The following XIRP2 variants were observed in gnomAD, a reference collection of about 807,000 sequenced individuals.
XIRP2 encodes the protein xin actin binding repeat containing 2, also known as xin actin-binding repeat-containing protein 2.
Under a neutral mutation model 277.0 loss-of-function variants are expected in XIRP2, and 236 were observed. That is an observed-to-expected ratio of 0.85 (90% CI 0.77 to 0.95). XIRP2 has a LOEUF of 0.95. XIRP2 is among the 40% of genes least tolerant of loss of function. The pLI, the probability that XIRP2 is intolerant of heterozygous loss-of-function variation, is 0.00. For synonymous variants in XIRP2, 1,490 were observed against 1,416.5 expected (o/e 1.05, Z -1.17); for missense variants, 4,640 against 4,157.5 (o/e 1.12, Z -3.19).
chr2:167,143,784 G>GT (rs1475288644), intron 3 of XIRP2, among the ~76,000 whole-genome samples: 1 of 150,340 alleles, frequency 6.7e-6, no homozygotes, highest in East Asian at 2.0e-4. Context: ...TTTCACCATC[G>GT]TAAAAAAAAA....
intron 2 of XIRP2, among the ~76,000 whole-genome samples, chr2:167,101,146 A>G (rs1690475680): frequency 6.6e-6 from 1 of 152,204 alleles, no homozygotes; most frequent in East Asian, 1.9e-4. Context: ...GACACATTTC[A>G]TCATTAAAAT....
At position 167,245,039 on chromosome 2, in the gene XIRP2, C is replaced by A; in HGVS notation, c.3647C>A (p.Ser1216Ter). ...TCCTTAGATTCTATAAGTTCTAGTT[C>A]AGAGGAAGTTTTGAAAAAGATCAAA... ...NQSLDSISSS[S>*]EEVLKKIKTL... The change falls in exon 9 of 11, where the codon TCA becomes TAA. Residue 1216 changes from serine to a stop codon, truncating the protein, a stop_gained. Transcript: ENST00000409195. LOFTEE classifies it high-confidence loss of function. 6.2e-7 allele frequency: 1 copy of A among 1,612,160 alleles called. No individual in the cohort carries two copies. Among genetic ancestry groups the A allele is most frequent in the South Asian group, 1.1e-5 (1 of 90,542 alleles).
Position 167,247,974 on chromosome 2 carries a change from T to A in XIRP2, c.6582T>A (p.Tyr2194Ter). 2 of 1,610,692 alleles carry A rather than the reference T, an allele frequency of 1.2e-6. No homozygotes were observed. Among genetic ancestry groups the A allele is most frequent in the East Asian group, 4.5e-5 (2 of 44,814 alleles). Residue 2194 changes from tyrosine (Y) to a stop codon, truncating the protein, a stop_gained, in exon 9 of 11, where the codon TAT becomes TAA. Transcript: ENST00000409195. LOFTEE classifies it high-confidence loss of function. The stretch of plus-strand genomic sequence containing the variant: ...CTTTGTTAAAGCAAGAAACAAAATA[T>A]TCTAATAAGGATATAAAGAAAAAGA... Reference protein sequence around the residue: ...KQTLLKQETKYSNKDIKKKNI... With the variant: ...KQTLLKQETK
chr2:167,056,994 G>A (rs1689051982), intron 2 of XIRP2, among the ~76,000 whole-genome samples: 1 of 152,060 alleles, frequency 6.6e-6, no homozygotes, highest in Non-Finnish European at 1.5e-5. Flanking sequence ...TTTTCTTTCT[G>A]TTTCCATATG....
At position 167,247,729 on chromosome 2, in the gene XIRP2, T is replaced by C; in HGVS notation, c.6337T>C (p.Ser2113Pro). The change falls in exon 9 of 11, where the codon TCC becomes CCC. Residue 2113 changes from serine (S) to proline (P), a missense_variant. Coordinates refer to ENST00000409195, the MANE Select transcript of XIRP2 (RefSeq NM_152381.6). ...GCTGAAGAAGGATGATGTCTTTAAT[T>C]CCATCCAATCTGCTGGTAAAACCGT... ...RELKKDDVFN[S>P]IQSAGKTVGK... 1 of 1,613,590 alleles carries C rather than the reference T, an allele frequency of 6.2e-7. No homozygotes were observed. The highest frequency in any genetic ancestry group is 8.5e-7 in the Non-Finnish European group (1 of 1,179,740).
chr2:167,034,041 A>T (rs1688439473), intron 2 of XIRP2, among the ~76,000 whole-genome samples: 1 of 152,216 alleles, frequency 6.6e-6, no homozygotes, highest in African/African-American at 2.4e-5. Flanking sequence ...AGAATACAAG[A>T]GGAAACTGTC....
At chr2:167,131,382 AAACAC>A (rs1691371556) in intron 2 of XIRP2, among the ~76,000 whole-genome samples, 1 of 152,102 alleles carries the variant, frequency 6.6e-6, no homozygotes. Context: ...AAAACAAACA[AAACAC>A]ATCTCTCTCA....
rs542480598 is a variant in XIRP2, at chr2:166,921,420, T to C, written c.408+17530T>C. Among the ~76,000 whole-genome samples, 16 of 152,278 alleles carry C rather than the reference T, an allele frequency of 1.1e-4. No individual in the cohort carries two copies. In the East Asian group the frequency reaches 2.5e-3, roughly 24 times the overall value. On this transcript the variant is annotated intron_variant, in intron 2 of 10. Coordinates refer to ENST00000409195, the MANE Select transcript of XIRP2 (RefSeq NM_152381.6). ...TCCATTTCAAATGATTACTTAAGCA[T>C]GGATGACTTCTATCTCATCTACATG...
intron 3 of XIRP2, among the ~76,000 whole-genome samples, chr2:167,202,334 C>T (rs1412832488): frequency 6.6e-6 from 1 of 152,088 alleles, no homozygotes; most frequent in Non-Finnish European, 1.5e-5. Flanking sequence ...TATTTTTATA[C>T]TAATGATTAC....
intron 2 of XIRP2, among the ~76,000 whole-genome samples, chr2:167,063,906 A>G (rs1353051719): frequency 6.6e-6 from 1 of 151,700 alleles, no homozygotes; most frequent in Non-Finnish European, 1.5e-5. Context: ...ACTTTTAAGT[A>G]GAATATTCAC....
At chr2:167,026,233 C>G (rs1688153802) in intron 2 of XIRP2, among the ~76,000 whole-genome samples, 1 of 152,086 alleles carries the variant, frequency 6.6e-6, no homozygotes, top group African/African-American at 2.4e-5. Context: ...CTCTTTTGAG[C>G]TTTGTTGGTT....
chr2:166,970,433 TTGAA>T (rs1363206297), intron 2 of XIRP2, among the ~76,000 whole-genome samples: 1 of 152,002 alleles, frequency 6.6e-6, no homozygotes, highest in African/African-American at 2.4e-5. Context: ...CTTTTCCCAG[TTGAA>T]TGAGTTTTGT....
intron 2 of XIRP2, among the ~76,000 whole-genome samples, chr2:167,010,208 A>G (rs952865421): frequency 1.3e-5 from 2 of 152,152 alleles, no homozygotes; most frequent in Non-Finnish European, 2.9e-5. Flanking sequence ...TGTAGGTCTA[A>G]CGTTAAAGTC....
At chr2:167,039,848 T>C (rs1243389128) in intron 2 of XIRP2, among the ~76,000 whole-genome samples, 1 of 152,200 alleles carries the variant, frequency 6.6e-6, no homozygotes, top group Non-Finnish European at 1.5e-5. Context: ...ATTGAGAAGA[T>C]TTATAACTTT....
chr2:167,027,584 G>A, intron 2 of XIRP2, among the ~76,000 whole-genome samples: 1 of 152,012 alleles, frequency 6.6e-6, no homozygotes, highest in Admixed American at 6.6e-5. Flanking sequence ...GAGGTACTCT[G>A]CTTTTTAGAG....
chr2:167,219,216 T>G (rs1037952240), intron 5 of XIRP2, among the ~76,000 whole-genome samples: 2 of 152,144 alleles, frequency 1.3e-5, no homozygotes, highest in African/African-American at 4.8e-5. Context: ...GCTGCAAAGT[T>G]AAAAATGTAC....
chr2:167,256,135 G>A (rs749847660), intron 10 of XIRP2, among the ~76,000 whole-genome samples: 6 of 151,232 alleles, frequency 4.0e-5, no homozygotes, highest in Non-Finnish European at 8.9e-5. Context: ...TGCTCTTTCT[G>A]TATGTTGTTG....
Position 167,250,406 on chromosome 2 carries a change from T to C in XIRP2, c.9014T>C (p.Leu3005Ser). 2 of 1,613,352 alleles carry C rather than the reference T, an allele frequency of 1.2e-6. No individual in the cohort carries two copies. Among genetic ancestry groups the C allele is most frequent in the Non-Finnish European group, 1.7e-6 (2 of 1,179,656 alleles). The change falls in exon 9 of 11, where the codon TTA (leucine) becomes TCA (serine). Residue 3005 changes from leucine to serine, a missense_variant. Transcript: ENST00000409195. ...GTTCACATTGCCATGGAGAATAATT[T>C]AGAAAAAGTAAAAGAAGAAATAACA... is the stretch of plus-strand genomic sequence containing the variant. ...YAVHIAMENN[L>S]EKVKEEITHI...
intron 2 of XIRP2, among the ~76,000 whole-genome samples, chr2:166,977,772 A>C (rs1686754563): frequency 6.6e-6 from 1 of 152,198 alleles, no homozygotes; most frequent in African/African-American, 2.4e-5. Context: ...TACTGCCTGC[A>C]GAAAATTACC....
Sources: allele counts gnomAD v4.1 joint callset (sites outside exome capture counted in the v4.1 genomes callset), GRCh38; gene constraint gnomAD v4.1.1; transcripts MANE v1.5; gene names NCBI Gene and HGNC (gene_info 2026-07-23, HGNC 2026-07-21).